Variants in H1-6 observed in about 807,000 individuals in gnomAD.
H1-6 encodes the protein H1.6 linker histone, cluster member, also known as histone H1t.
For synonymous variants in H1-6, 225 were observed against 100.1 expected (o/e 2.25, Z -7.45); for missense variants, 538 against 246.5 (o/e 2.18, Z -7.92).
At position 26,107,536 on chromosome 6, in the gene H1-6, C is replaced by A; in HGVS notation, c.558G>T (p.Arg186Ser). ...GTTGGGTCAATTTTGACTTCGAAGCCCTTGCCTTCACTGGGCTCTTCTGCT... is the reference window on the plus strand; with the variant it reads ...GTTGGGTCAATTTTGACTTCGAAGCACTTGCCTTCACTGGGCTCTTCTGCT... ...KQQQKSPVKA[R>S]ASKSKLTQHH... Residue 186 changes from arginine (R) to serine (S), a missense_variant, in exon 1 of 1, where the codon AGG becomes AGT. Transcript: ENST00000338379. 1 of 1,613,520 alleles carries A rather than the reference C, an allele frequency of 6.2e-7. No homozygotes were observed. Among genetic ancestry groups the A allele is most frequent in the Non-Finnish European group, 8.5e-7 (1 of 1,179,830 alleles).
rs781692217 is a variant in H1-6, at chr6:26,107,995, T to C, written c.99A>G (p.Ile33Met). 30 of 1,614,094 alleles carry C rather than the reference T, an allele frequency of 1.9e-5. No homozygotes were observed. Among genetic ancestry groups the C allele is most frequent in the Non-Finnish European group, 2.4e-5 (28 of 1,180,052 alleles). ...KKRGRKPAGL[I>M]SASRKVPNLS... is the part of the protein sequence containing the mutation. The stretch of plus-strand genomic sequence containing the variant: ...GGTTCGGCACTTTGCGACTTGCACT[T>C]ATCAAGCCAGCCGGCTTCCTCCCTC... Residue 33 changes from isoleucine (I) to methionine (M), a missense_variant, in exon 1 of 1, where the codon ATA becomes ATG. Physicochemically the swap from Ile to Met is conservative, Grantham distance 10. Coordinates refer to ENST00000338379, the MANE Select transcript of H1-6 (RefSeq NM_005323.4).
At position 26,108,088 on chromosome 6, in the gene H1-6, A is replaced by G. The variant is rs370801738; in HGVS notation, c.6T>C (p.Ser2=). 1.9e-6 allele frequency: 3 copies of G among 1,613,668 alleles called. No homozygotes were observed. In the African/African-American group the frequency reaches 4.0e-5, roughly 22 times the overall value. Residue 2 remains serine (S), a synonymous_variant, in exon 1 of 1, where the codon TCT becomes TCC. Transcript: ENST00000338379. M[S]ETVPAASASA... is the part of the protein sequence containing the mutation. ...TGGCAGAAGCTGCAGGCACGGTTTCAGACATAACAACAGAGAAACGCAAGA... is the reference window on the plus strand; with the variant it reads ...TGGCAGAAGCTGCAGGCACGGTTTCGGACATAACAACAGAGAAACGCAAGA...
rs758739468 is a variant in H1-6, at chr6:26,107,741, T to C, written c.353A>G (p.Lys118Arg). 1 of 1,614,088 alleles carries C rather than the reference T, an allele frequency of 6.2e-7. No individual in the cohort carries two copies. Among genetic ancestry groups the C allele is most frequent in the East Asian group, 2.2e-5 (1 of 44,898 alleles). ...CTTTTTAGCCTTGCTTCTGGTAGAT[T>C]TAGGAATCACCTTCTTACTAAGCTT... ...SFKLSKKVIP[K>R]STRSKAKKSV... The change falls in exon 1 of 1, where the codon AAA (lysine) becomes AGA (arginine). Residue 118 changes from lysine (K) to arginine (R), a missense_variant. Transcript: ENST00000338379.
rs758761614 is a variant in H1-6, at chr6:26,107,991, C to G, written c.103G>C (p.Ala35Pro). 9 of 1,614,102 alleles carry G rather than the reference C, an allele frequency of 5.6e-6. No homozygotes were observed. In the African/African-American group the frequency reaches 1.2e-4, roughly 22 times the overall value. ...RGRKPAGLIS[A>P]SRKVPNLSVS... ...GAGAGGTTCGGCACTTTGCGACTTG[C>G]ACTTATCAAGCCAGCCGGCTTCCTC... The change falls in exon 1 of 1, where the codon GCA becomes CCA. Residue 35 changes from alanine (A) to proline (P), a missense_variant. Physicochemically the swap from Ala to Pro is conservative, Grantham distance 27 (BLOSUM62 -1). Coordinates refer to ENST00000338379, the MANE Select transcript of H1-6 (RefSeq NM_005323.4).
Position 26,107,610 on chromosome 6 carries a change from T to C in H1-6, c.484A>G (p.Lys162Glu), listed in dbSNP as rs1561950759. 13 of 1,614,220 alleles carry C rather than the reference T, an allele frequency of 8.1e-6. No homozygotes were observed. Among genetic ancestry groups the C allele is most frequent in the South Asian group, 3.3e-5 (3 of 91,086 alleles). ...RAKKPRATTP[K>E]TVRSGRKAKG... Reference sequence around the variant, plus strand: ...GCCTTTCTCCCGCTCCTAACAGTTTTAGGAGTTGTCGCTCTCGGCTTCTTG... The same window carrying C: ...GCCTTTCTCCCGCTCCTAACAGTTTCAGGAGTTGTCGCTCTCGGCTTCTTG... The change falls in exon 1 of 1, where the codon AAA becomes GAA. Residue 162 changes from lysine (K) to glutamate (E), a missense_variant. Physicochemically the swap from Lys to Glu is moderately conservative, Grantham distance 56. Transcript: ENST00000338379.
chr6:26,107,718 T>C lies in H1-6; in HGVS notation c.376A>G (p.Lys126Glu), dbSNP rs1047530553. Residue 126 changes from lysine to glutamate, a missense_variant, in exon 1 of 1, where the codon AAG (lysine) becomes GAG (glutamate). Transcript: ENST00000338379. ...TTCTTGGTCTTGGCAGAAACTGACT[T>C]TTTAGCCTTGCTTCTGGTAGATTTA... ...IPKSTRSKAK[K>E]SVSAKTKKLV... The C allele has an allele frequency of 6.2e-7, 1 of 1,614,200 alleles. No homozygotes were observed. The highest frequency in any genetic ancestry group is 2.2e-5 in the East Asian group (1 of 44,888).
In H1-6 at chr6:26,107,611, A is replaced by T. The variant is rs920467563; in HGVS notation, c.483T>A (p.Pro161=). ...KRAKKPRATT[P]KTVRSGRKAK... is the part of the protein sequence containing the mutation. ...CCTTTCTCCCGCTCCTAACAGTTTT[A>T]GGAGTTGTCGCTCTCGGCTTCTTGG... The change falls in exon 1 of 1, where the codon CCT becomes CCA. Residue 161 remains proline, a synonymous_variant. Coordinates refer to ENST00000338379, the MANE Select transcript of H1-6 (RefSeq NM_005323.4). The T allele has an allele frequency of 2.5e-6, 4 of 1,614,110 alleles. No individual in the cohort carries two copies. Among genetic ancestry groups the T allele is most frequent in the Non-Finnish European group, 3.4e-6 (4 of 1,180,020 alleles).
Position 26,108,077 on chromosome 6 carries a change from G to T in H1-6, c.17C>A (p.Pro6His). Residue 6 changes from proline to histidine, a missense_variant, in exon 1 of 1, where the codon CCT (proline) becomes CAT (histidine). Physicochemically the swap from Pro to His is moderately conservative, Grantham distance 77 (BLOSUM62 -2). Coordinates refer to ENST00000338379, the MANE Select transcript of H1-6 (RefSeq NM_005323.4). MSETV[P>H]AASASAGVAA... ...TACACCAGCACTGGCAGAAGCTGCA[G>T]GCACGGTTTCAGACATAACAACAGA... is the stretch of plus-strand genomic sequence containing the variant. 3 of 1,614,098 alleles carry T rather than the reference G, an allele frequency of 1.9e-6. No individual in the cohort carries two copies. Among genetic ancestry groups the T allele is most frequent in the Non-Finnish European group, 2.5e-6 (3 of 1,179,996 alleles).
Position 26,107,457 on chromosome 6 carries a change from C to T in H1-6, c.*13G>A. ...CTTTGGGTTCTTTCCAAATTGGCCT[C>T]CCGGAAAGCTCTTTACTTCTTAGAT... On this transcript the variant is annotated 3_prime_UTR_variant, in exon 1 of 1. Transcript: ENST00000338379. The T allele has an allele frequency of 1.9e-6, 3 of 1,570,602 alleles. No individual in the cohort carries two copies. The highest frequency in any genetic ancestry group is 1.7e-4 in the Middle Eastern group (1 of 5,820).
rs1202160731 is a variant in H1-6, at chr6:26,107,632, C to CT, written c.461dup (p.Lys155GlufsTer8). The CT allele has an allele frequency of 6.2e-7, 1 of 1,614,162 alleles. No homozygotes were observed. The highest frequency in any genetic ancestry group is 8.5e-7 in the Non-Finnish European group (1 of 1,180,018). ...TTTTAGGAGTTGTCGCTCTCGGCTT[C>CT]TTGGCTCTCTTATTGGTTTTAGCAG... On this transcript the variant is annotated frameshift_variant, in exon 1 of 1. Transcript: ENST00000338379. LOFTEE classifies it low-confidence loss of function (END_TRUNC).
chr6:26,107,959 G>A lies in H1-6; in HGVS notation c.135C>T (p.Ser45=), dbSNP rs753614940. 3.3e-5 allele frequency: 54 copies of A among 1,614,090 alleles called. No individual in the cohort carries two copies. The Admixed American group carries it at 8.3e-4, about 25-fold the overall frequency. ...ASRKVPNLSV[S]KLITEALSVS... is the part of the protein sequence containing the mutation. ...CTGAAAGGGCCTCGGTGATCAACTT[G>A]GACACAGAGAGGTTCGGCACTTTGC... is the stretch of plus-strand genomic sequence containing the variant. The change falls in exon 1 of 1, where the codon TCC becomes TCT. Residue 45 remains serine (S), a synonymous_variant. Coordinates refer to ENST00000338379, the MANE Select transcript of H1-6 (RefSeq NM_005323.4).
chr6:26,107,636 GCT>G lies in H1-6; in HGVS notation c.456_457del (p.Arg152SerfsTer10), dbSNP rs772638167. The stretch of plus-strand genomic sequence containing the variant: ...AGGAGTTGTCGCTCTCGGCTTCTTG[GCT>G]CTCTTATTGGTTTTAGCAGTCTTTG... On this transcript the variant is annotated frameshift_variant, in exon 1 of 1. Transcript: ENST00000338379. LOFTEE classifies it low-confidence loss of function (END_TRUNC). 240 of 1,613,992 alleles carry G rather than the reference GCT, an allele frequency of 1.5e-4. No homozygotes were observed. Among genetic ancestry groups the G allele is most frequent in the Non-Finnish European group, 2.0e-4 (231 of 1,180,026 alleles).
rs780096567 is a variant in H1-6 at position 26,107,894 on chromosome 6, T to C, written c.200A>G (p.Lys67Arg). ...ERVGMSLVAL[K>R]KALAAAGYDV... ...GTAGCCAGCAGCGGCCAATGCCTTC[T>C]TGAGCGCAACCAAAGACATACCTAC... The change falls in exon 1 of 1, where the codon AAG (lysine) becomes AGG (arginine). Residue 67 changes from lysine to arginine, a missense_variant. Coordinates refer to ENST00000338379, the MANE Select transcript of H1-6 (RefSeq NM_005323.4). 6.2e-7 allele frequency: 1 copy of C among 1,614,238 alleles called. No homozygotes were observed. Among genetic ancestry groups the C allele is most frequent in the South Asian group, 1.1e-5 (1 of 91,090 alleles).
chr6:26,107,968 G>C lies in H1-6; in HGVS notation c.126C>G (p.Leu42=), dbSNP rs138076260. Residue 42 remains leucine, a synonymous_variant, in exon 1 of 1, where the codon CTC becomes CTG. Coordinates refer to ENST00000338379, the MANE Select transcript of H1-6 (RefSeq NM_005323.4). ...LISASRKVPN[L]SVSKLITEAL... is the part of the protein sequence containing the mutation. ...CCTCGGTGATCAACTTGGACACAGA[G>C]AGGTTCGGCACTTTGCGACTTGCAC... 3.8e-5 allele frequency: 62 copies of C among 1,614,068 alleles called. No homozygotes were observed. Among genetic ancestry groups the C allele is most frequent in the South Asian group, 1.5e-4 (14 of 91,086 alleles).
In H1-6 at chr6:26,107,912, A is replaced by AT; in HGVS notation, c.181dup (p.Met61AsnfsTer21). 1 of 1,614,218 alleles carries AT rather than the reference A, an allele frequency of 6.2e-7. No homozygotes were observed. Among genetic ancestry groups the AT allele is most frequent in the Non-Finnish European group, 8.5e-7 (1 of 1,180,026 alleles). On this transcript the variant is annotated frameshift_variant, in exon 1 of 1. Coordinates refer to ENST00000338379, the MANE Select transcript of H1-6 (RefSeq NM_005323.4). LOFTEE classifies it low-confidence loss of function (END_TRUNC). ...TGCCTTCTTGAGCGCAACCAAAGACATACCTACTCGTTCCTGTGACACTGA... is the reference window on the plus strand; with the variant it reads ...TGCCTTCTTGAGCGCAACCAAAGACATTACCTACTCGTTCCTGTGACACTGA...
At position 26,108,077 on chromosome 6, in the gene H1-6, G is replaced by A. The variant is rs768466903; in HGVS notation, c.17C>T (p.Pro6Leu). 35 of 1,614,098 alleles carry A rather than the reference G, an allele frequency of 2.2e-5. No individual in the cohort carries two copies. The highest frequency in any genetic ancestry group is 6.7e-5 in the Admixed American group (4 of 60,032). The change falls in exon 1 of 1, where the codon CCT (proline) becomes CTT (leucine). Residue 6 changes from proline (P) to leucine (L), a missense_variant. Physicochemically the swap from Pro to Leu is moderately conservative, Grantham distance 98. Coordinates refer to ENST00000338379, the MANE Select transcript of H1-6 (RefSeq NM_005323.4). MSETV[P>L]AASASAGVAA... ...TACACCAGCACTGGCAGAAGCTGCA[G>A]GCACGGTTTCAGACATAACAACAGA...
Position 26,107,494 on chromosome 6 carries a change from AACAT to A in H1-6, c.596_599del (p.Asn199IlefsTer?). The A allele has an allele frequency of 1.2e-6, 2 of 1,604,786 alleles. No individual in the cohort carries two copies. The highest frequency in any genetic ancestry group is 1.7e-6 in the Non-Finnish European group (2 of 1,177,420). ...TTTACTTCTTAGATGTGGCCTTTCTAACATTAACTTCATGATGTTGGGTCAATTT... is the reference window on the plus strand; with the variant it reads ...TTTACTTCTTAGATGTGGCCTTTCTATAACTTCATGATGTTGGGTCAATTT... On this transcript the variant is annotated frameshift_variant, in exon 1 of 1. Coordinates refer to ENST00000338379, the MANE Select transcript of H1-6 (RefSeq NM_005323.4). LOFTEE classifies it high-confidence loss of function.
Position 26,107,816 on chromosome 6 carries a change from T to C in H1-6, c.278A>G (p.Asn93Ser), listed in dbSNP as rs1581684817. Reference protein sequence around the residue: ...RIKLSLKSLVNKGILVQTRGT... With the variant: ...RIKLSLKSLVSKGILVQTRGT... The stretch of plus-strand genomic sequence containing the variant: ...CCTGGTTTGCACCAGGATTCCCTTG[T>C]TCACTAAGCTCTTGAGGGACAGTTT... Residue 93 changes from asparagine to serine, a missense_variant, in exon 1 of 1, where the codon AAC becomes AGC. Transcript: ENST00000338379. 1 of 1,614,224 alleles carries C rather than the reference T, an allele frequency of 6.2e-7. No homozygotes were observed. The highest frequency in any genetic ancestry group is 1.1e-5 in the South Asian group (1 of 91,088).
chr6:26,108,118 A>C lies in H1-6; in HGVS notation c.-25T>G. Reference sequence around the variant, plus strand: ...TAACAACAGAGAAACGCAAGATGTAATAACCAGCGAAAAGCATGAAACACC... The same window carrying C: ...TAACAACAGAGAAACGCAAGATGTACTAACCAGCGAAAAGCATGAAACACC... On this transcript the variant is annotated 5_prime_UTR_variant, in exon 1 of 1. An upstream open reading frame in the 5' UTR gains an earlier in-frame stop. Coordinates refer to ENST00000338379, the MANE Select transcript of H1-6 (RefSeq NM_005323.4). 6.2e-7 allele frequency: 1 copy of C among 1,606,890 alleles called. No individual in the cohort carries two copies. The highest frequency in any genetic ancestry group is 8.5e-7 in the Non-Finnish European group (1 of 1,176,392).
Sources: gnomAD v4.1 joint callset for allele counts on GRCh38, gnomAD v4.1.1 for gene constraint, MANE v1.5 for transcripts, NCBI Gene and HGNC (gene_info 2026-07-23, HGNC 2026-07-21) for gene names.